HMCN1: variants seen among roughly 807,000 people sequenced by gnomAD.
HMCN1 encodes hemicentin-1.
Under a neutral mutation model 625.9 loss-of-function variants are expected in HMCN1, and 321 were observed. That is an observed-to-expected ratio of 0.51 (90% confidence interval 0.47 to 0.56). The LOEUF is 0.56. Among genes scored for constraint, HMCN1 ranks in the 20% least tolerant of loss-of-function variants. The pLI is 0.00. For missense variants in HMCN1, 6,588 were observed against 6,887.3 expected, an observed-to-expected ratio of 0.96 and a Z score of 1.54; for synonymous variants, 2,425 against 2,417.6, an observed-to-expected ratio of 1.00 and a Z score of -0.09.
At chr1:186,030,594 A>G (rs1372723461) in intron 36 of HMCN1, among the ~76,000 whole-genome samples, 2 of 151,946 alleles carry the variant, frequency 1.3e-5, no homozygotes, top group Non-Finnish European at 2.9e-5. Context: ...GTGTGCTATT[A>G]TAGGCAACAT....
At chr1:186,035,464 T>C (rs1450126475) in intron 36 of HMCN1, among the ~76,000 whole-genome samples, 2 of 152,158 alleles carry the variant, frequency 1.3e-5, no homozygotes, top group Non-Finnish European at 2.9e-5. Flanking sequence ...TAGCCTGTTT[T>C]GGTTTATTGT....
chr1:186,096,249 G>A (rs1380991525), intron 68 of HMCN1, among the ~76,000 whole-genome samples: 1 of 151,708 alleles, frequency 6.6e-6, no homozygotes, highest in Non-Finnish European at 1.5e-5. Context: ...ATATGTTTCA[G>A]CGTGTGTTAT....
rs972310137 is a variant in HMCN1, at chr1:186,106,943, G to A, written c.10830G>A (p.Lys3610=). ...LASSPAGDDD[K]EYLVRVHVPP... ...CCAGTCCTGCAGGAGATGATGATAA[G>A]GAATATCTAGTGAGAGTGCATGGTA... Residue 3610 remains lysine, a synonymous_variant, in exon 70 of 107, where the codon AAG becomes AAA. Transcript: ENST00000271588. The A allele has an allele frequency of 6.2e-7, 1 of 1,610,780 alleles. No individual in the cohort carries two copies. The highest frequency in any genetic ancestry group is 1.3e-5 in the African/African-American group (1 of 74,950).
chr1:186,120,195 T>C (rs1395247975), intron 80 of HMCN1, 50 bp downstream of exon 80: 2 of 1,577,996 alleles, frequency 1.3e-6, no homozygotes, highest in Admixed American at 1.7e-5. Flanking sequence ...TTTGTAACAA[T>C]GTCTACCAAA....
chr1:185,962,018 C>T (rs752524891), intron 11 of HMCN1, among the ~76,000 whole-genome samples: 4 of 151,928 alleles, frequency 2.6e-5, no homozygotes, highest in African/African-American at 4.8e-5. Flanking sequence ...AGAATATAAT[C>T]GAATATGGAA....
intron 4 of HMCN1, among the ~76,000 whole-genome samples, chr1:185,887,284 C>T (rs1365687239): frequency 6.6e-6 from 1 of 151,998 alleles, no homozygotes; most frequent in Admixed American, 6.6e-5. Flanking sequence ...TTCAATAGCT[C>T]TTAAATGAAA....
At chr1:185,938,749 G>A (rs539907533) in intron 11 of HMCN1, among the ~76,000 whole-genome samples, 9 of 151,910 alleles carry the variant, frequency 5.9e-5, no homozygotes, top group African/African-American at 1.7e-4. Context: ...TGTTCTCAGC[G>A]GTCTAGCCAT....
At chr1:185,843,204 A>G (rs16824564) in intron 1 of HMCN1, among the ~76,000 whole-genome samples, 45,008 of 152,132 alleles carry the variant, frequency 0.3, 7,130 homozygotes, top group African/African-American at 0.38. Context: ...AGCTTTATTC[A>G]TCCCACTTTC....
At chr1:186,137,285 A>G (rs1009143939) in intron 87 of HMCN1, among the ~76,000 whole-genome samples, 9 of 152,228 alleles carry the variant, frequency 5.9e-5, no homozygotes, top group Non-Finnish European at 1.3e-4. Flanking sequence ...AGCCATGTGC[A>G]AGTGAGTGAG....
rs774915972 is a variant in HMCN1 at position 186,119,271 on chromosome 1, C to T, written c.11929C>T (p.His3977Tyr). Residue 3977 changes from histidine (H) to tyrosine (Y), a missense_variant, in exon 78 of 107, where the codon CAT becomes TAT. Around this residue, in one of 3 missense-constraint regions of HMCN1, gnomAD observed 4,628 missense variants for 4,853.1 expected, o/e 0.95. Transcript: ENST00000271588. ...CGCTAGGAATGCGGCTGGCTCTGCA[C>T]ATCGACACGTGACCCTTCATGTTCA... ...CVARNAAGSAHRHVTLHVHEP... is the reference protein window; with the variant it reads ...CVARNAAGSAYRHVTLHVHEP... The T allele has an allele frequency of 6.2e-7, 1 of 1,613,690 alleles. No homozygotes were observed. The highest frequency in any genetic ancestry group is 8.5e-7 in the Non-Finnish European group (1 of 1,179,610).
At chr1:186,007,015 T>G in intron 29 of HMCN1, 113 bp from the exon 30 acceptor site, 1 of 834,692 alleles carries the variant, frequency 1.2e-6, no homozygotes, top group Non-Finnish European at 2.0e-6. Flanking sequence ...ATTTTATTTT[T>G]TAAATTAACT....
intron 6 of HMCN1, among the ~76,000 whole-genome samples, chr1:185,917,306 G>A (rs1301071838): frequency 2.0e-5 from 3 of 152,138 alleles, no homozygotes; most frequent in African/African-American, 7.2e-5. Flanking sequence ...CTATGCCATA[G>A]GGTGCAAATC....
intron 72 of HMCN1, 151 bp downstream of exon 72, chr1:186,113,104 C>G (rs1000805512): frequency 2.5e-6 from 2 of 810,374 alleles, no homozygotes; most frequent in African/African-American, 3.5e-5. Context: ...TGTATTATAT[C>G]TATACTGCAA....
intron 83 of HMCN1, among the ~76,000 whole-genome samples, chr1:186,129,475 T>C (rs1249030779): frequency 7.8e-6 from 1 of 128,322 alleles, no homozygotes; most frequent in African/African-American, 2.5e-5. Flanking sequence ...TTTGACTATG[T>C]TGTTGTTATT....
intron 105 of HMCN1, among the ~76,000 whole-genome samples, chr1:186,187,042 G>GCAAA (rs1223663846): frequency 9.3e-6 from 1 of 107,512 alleles, no homozygotes; most frequent in East Asian, 4.2e-4. Context: ...ACACACGCAT[G>GCAAA]CAAACATTTT....
At chr1:185,892,057 C>T (rs1009760151) in intron 4 of HMCN1, among the ~76,000 whole-genome samples, 3 of 151,282 alleles carry the variant, frequency 2.0e-5, no homozygotes, top group Admixed American at 6.6e-5. Context: ...TCATTTCATT[C>T]ATTTCATCTT....
chr1:185,916,071 T>C (rs1666684749), intron 6 of HMCN1, among the ~76,000 whole-genome samples: 1 of 147,792 alleles, frequency 6.8e-6, no homozygotes, highest in Admixed American at 6.7e-5. Context: ...TGTGCATATG[T>C]GTGTGTGTGT....
chr1:185,841,668 C>A (rs1021655903), intron 1 of HMCN1, among the ~76,000 whole-genome samples: 4 of 152,138 alleles, frequency 2.6e-5, no homozygotes, highest in African/African-American at 9.7e-5. Context: ...ATGATTAAAG[C>A]AATCAGGCAA....
intron 44 of HMCN1, among the ~76,000 whole-genome samples, chr1:186,054,515 C>T (rs1212068030): frequency 1.3e-5 from 2 of 151,918 alleles, no homozygotes; most frequent in Non-Finnish European, 2.9e-5. Flanking sequence ...GGCACTAGGA[C>T]ATTGGATTAC....
Sources: allele counts gnomAD v4.1 joint callset (sites outside exome capture counted in the v4.1 genomes callset), GRCh38; gene constraint gnomAD v4.1.1; regional missense constraint gnomAD v4.1.1; transcripts MANE v1.5; gene names NCBI Gene and HGNC (gene_info 2026-07-23, HGNC 2026-07-21).